The following ADAMTS17 variants were observed in gnomAD, a reference collection of about 807,000 sequenced individuals.
ADAMTS17 encodes ADAM metallopeptidase with thrombospondin type 1 motif 17, also known as A disintegrin and metalloproteinase with thrombospondin motifs 17.
ADAMTS17 carries 113 observed loss-of-function variants against 141.5 expected under a neutral mutation model. The ratio of observed to expected loss-of-function variants is 0.80; its 90% CI spans 0.69 to 0.93. The LOEUF (loss-of-function observed/expected upper bound fraction) is 0.93, where lower values mean the gene tolerates loss of function less well. Among genes scored for constraint, ADAMTS17 ranks in the 40% least tolerant of loss-of-function variants. The pLI, the probability that ADAMTS17 is intolerant of heterozygous loss-of-function variation, is 0.00. For synonymous variants in ADAMTS17, 768 were observed against 630.6 expected, an observed-to-expected ratio of 1.22 and a Z score of -3.27; for missense variants, 1,659 against 1,517.9, an observed-to-expected ratio of 1.09 and a Z score of -1.54.
At chr15:100,028,062 G>T (rs1047770179) in intron 18 of ADAMTS17, among the ~76,000 whole-genome samples, 2 of 152,212 alleles carry the variant, frequency 1.3e-5, no homozygotes, top group African/African-American at 4.8e-5. Flanking sequence ...AGACCCTCTA[G>T]GAACTGTAGT....
chr15:100,232,809 A>C (rs1219612160), intron 7 of ADAMTS17, among the ~76,000 whole-genome samples: 2 of 151,824 alleles, frequency 1.3e-5, no homozygotes, highest in Non-Finnish European at 2.9e-5. Flanking sequence ...ACACCATGGA[A>C]TTTGCGTCTT....
At chr15:100,277,283 A>C (rs1034049511) in intron 4 of ADAMTS17, among the ~76,000 whole-genome samples, 3 of 152,090 alleles carry the variant, frequency 2.0e-5, no homozygotes, top group African/African-American at 7.2e-5. Context: ...AGAGGGGTGC[A>C]GGGTGTTTAA....
chr15:100,077,899 A>G (rs2034489159), intron 15 of ADAMTS17, among the ~76,000 whole-genome samples: 1 of 152,240 alleles, frequency 6.6e-6, no homozygotes, highest in African/African-American at 2.4e-5. Flanking sequence ...TGACAGATTC[A>G]GTAAGATTGC....
intron 3 of ADAMTS17, among the ~76,000 whole-genome samples, chr15:100,320,877 C>T (rs557706045): frequency 1.3e-5 from 2 of 151,994 alleles, no homozygotes; most frequent in Non-Finnish European, 2.9e-5. Flanking sequence ...ACAGTTTGGA[C>T]AAAGCAAAAA....
intron 3 of ADAMTS17, among the ~76,000 whole-genome samples, chr15:100,325,419 C>G (rs529197444): frequency 6.6e-6 from 1 of 152,156 alleles, no homozygotes; most frequent in South Asian, 2.1e-4. Context: ...GAAATTTGGA[C>G]GGAGACATGC....
intron 13 of ADAMTS17, among the ~76,000 whole-genome samples, chr15:100,111,343 C>T (rs2036768280): frequency 2.0e-5 from 3 of 152,242 alleles, no homozygotes; most frequent in Admixed American, 2.0e-4. Flanking sequence ...TGACTCATTT[C>T]CCGTGCTGGC....
rs201597279 is a variant in ADAMTS17, at chr15:100,162,856, CTG to C, written c.1182-7538_1182-7537del. On this transcript the variant is annotated intron_variant, in intron 8 of 21. Transcript: ENST00000268070. ...TGTATAACTATATATAGTTATATAT[CTG>C]TGTATATATATAACTATATGTATAT... Among the ~76,000 whole-genome samples the C allele has an allele frequency of 5.7e-3, 817 of 143,980 alleles. 15 individuals carry two copies. The highest frequency in any genetic ancestry group is 0.02 in the African/African-American group (786 of 39,386). The allele number at this position is 143,980 out of a possible 152,430, so 94.5% of individuals were successfully genotyped here. A position where few individuals can be genotyped will look rare whatever the true frequency, so the allele number is the denominator to read the frequency against.
chr15:100,121,599 TC>T (rs1172767746), intron 12 of ADAMTS17, among the ~76,000 whole-genome samples: 2 of 152,080 alleles, frequency 1.3e-5, no homozygotes, highest in African/African-American at 4.8e-5. Context: ...CATGTAACTG[TC>T]CCTCAAAAAT....
At position 100,054,204 on chromosome 15, in the gene ADAMTS17, G is replaced by C. The variant is rs1172435268; in HGVS notation, c.2138-150C>G. 14 of 884,668 alleles carry C rather than the reference G, an allele frequency of 1.6e-5. No homozygotes were observed. The East Asian group carries it at 3.5e-4, about 22-fold the overall frequency. 54.8% of individuals were successfully genotyped at this position (884,668 alleles called of 1,614,324 possible). A position where few individuals can be genotyped will look rare whatever the true frequency, so the allele number is the denominator to read the frequency against. On this transcript the variant is annotated intron_variant, in intron 15 of 21. Transcript: ENST00000268070. ...AGGCCTGAAGCGAGAGAAGGCGAGT[G>C]CTCTGTATACTGAGAACAAAAGCCT...
chr15:100,216,749 A>G (rs2041980382), intron 7 of ADAMTS17, among the ~76,000 whole-genome samples: 1 of 152,194 alleles, frequency 6.6e-6, no homozygotes, highest in South Asian at 2.1e-4. Flanking sequence ...CTGACGTTCC[A>G]GGCCCACCTA....
rs1244420235 is a variant in ADAMTS17, at chr15:100,000,845, C to CACT, written c.2592-3259_2592-3257dup. Among the ~76,000 whole-genome samples, 4 of 152,134 alleles carry CACT rather than the reference C, an allele frequency of 2.6e-5. No homozygotes were observed. The East Asian group carries it at 7.7e-4, about 29-fold the overall frequency. The stretch of plus-strand genomic sequence containing the variant: ...TACTGCTCCCCAGAATACACCTTAA[C>CACT]ACTAAAAATACAGAAGAGACATAGT... On this transcript the variant is annotated intron_variant, in intron 18 of 21. Coordinates refer to ENST00000268070, the MANE Select transcript of ADAMTS17 (RefSeq NM_139057.4).
rs145860072 is a variant in ADAMTS17 at position 99,988,482 on chromosome 15, T to G, written c.2949+4566A>C. ...TGCAGAACCATGAGCCAAATAAACC[T>G]CTTTATCAATGATCCAGTCTCAGGC... On this transcript the variant is annotated intron_variant, in intron 20 of 21. Transcript: ENST00000268070. Among the ~76,000 whole-genome samples the G allele has an allele frequency of 6.6e-3, 1,005 of 152,244 alleles. 18 individuals are homozygous for G. Among genetic ancestry groups the G allele is most frequent in the African/African-American group, 0.023 (943 of 41,514 alleles).
chr15:99,975,929 G>C (rs2060313913), intron 21 of ADAMTS17, 116 bp downstream of exon 21: 2 of 1,159,854 alleles, frequency 1.7e-6, no homozygotes, highest in Admixed American at 5.4e-5. Context: ...AGCCTTATGT[G>C]ACAAGTGAGG....
At chr15:100,331,435 T>C (rs80144830) in intron 2 of ADAMTS17, among the ~76,000 whole-genome samples, 1 of 152,156 alleles carries the variant, frequency 6.6e-6, no homozygotes, top group African/African-American at 2.4e-5. Context: ...GGAATGACAT[T>C]TGTATCCCTA....
At chr15:100,219,861 C>T (rs1203854842) in intron 7 of ADAMTS17, among the ~76,000 whole-genome samples, 2 of 152,176 alleles carry the variant, frequency 1.3e-5, no homozygotes, top group African/African-American at 4.8e-5. Context: ...TCCTTTTCTT[C>T]CTTTAATCCT....
At chr15:100,313,624 C>T (rs1343518573) in intron 3 of ADAMTS17, among the ~76,000 whole-genome samples, 1 of 152,230 alleles carries the variant, frequency 6.6e-6, no homozygotes, top group Non-Finnish European at 1.5e-5. Context: ...CAGAAGTTGA[C>T]ATCCCCAATA....
At chr15:100,305,995 C>A in intron 3 of ADAMTS17, 1 of 155,588 alleles carries the variant, frequency 6.4e-6, no homozygotes, top group Non-Finnish European at 1.4e-5. Flanking sequence ...GCTCTGACAC[C>A]AAAGCCTTCT....
chr15:100,037,482 C>T (rs1348135323), intron 18 of ADAMTS17, among the ~76,000 whole-genome samples: 1 of 150,508 alleles, frequency 6.6e-6, no homozygotes, highest in Non-Finnish European at 1.5e-5. Context: ...GCAATTTCGG[C>T]TCACTGCAAC....
chr15:100,335,374 G>A (rs1156876012), intron 2 of ADAMTS17, among the ~76,000 whole-genome samples: 1 of 152,102 alleles, frequency 6.6e-6, no homozygotes, highest in Non-Finnish European at 1.5e-5. Context: ...CAGGACAATG[G>A]GGCCTCGGTG....
Sources: allele counts gnomAD v4.1 joint callset (sites outside exome capture counted in the v4.1 genomes callset), GRCh38; gene constraint gnomAD v4.1.1; transcripts MANE v1.5; gene names NCBI Gene and HGNC (gene_info 2026-07-23, HGNC 2026-07-21).